The following NRAP variants were observed in gnomAD, a reference collection of about 807,000 sequenced individuals.
NRAP encodes the protein nebulin-related-anchoring protein.
In NRAP, 189 loss-of-function variants were observed where a neutral mutation model predicts 225.9. The observed-to-expected ratio is 0.84, with a 90% CI of 0.74 to 0.94. NRAP has a LOEUF of 0.94. Among genes scored for constraint, NRAP ranks in the 40% least tolerant of loss-of-function variants. The pLI, the probability that NRAP is intolerant of heterozygous loss-of-function variation, is 0.00. For synonymous variants in NRAP, 769 were observed against 790.7 expected, an observed-to-expected ratio of 0.97 and a Z score of 0.46; for missense variants, 2,176 against 2,168.7, an observed-to-expected ratio of 1.00 and a Z score of -0.07.
intron 20 of NRAP, among the ~76,000 whole-genome samples, chr10:113,626,530 C>T (rs564539666): frequency 4.6e-5 from 7 of 152,090 alleles, no homozygotes; most frequent in Non-Finnish European, 1.0e-4. Context: ...TCATTACCTC[C>T]GGCACATCAC....
At chr10:113,638,212 A>G (rs1848992505) in intron 14 of NRAP, among the ~76,000 whole-genome samples, 1 of 152,228 alleles carries the variant, frequency 6.6e-6, no homozygotes, top group African/African-American at 2.4e-5. Context: ...ATTCTGCATT[A>G]AGTATGTTAC....
rs907370605 is a variant in NRAP, at chr10:113,627,891, C to T, written c.2145+1026G>A. Among the ~76,000 whole-genome samples the T allele has an allele frequency of 3.9e-5, 6 of 152,282 alleles. No homozygotes were observed. The South Asian group carries it at 8.3e-4, about 21-fold the overall frequency. On this transcript the variant is annotated intron_variant, in intron 20 of 41. Transcript: ENST00000359988. ...TATACATGACAGTATGTATATAATACGCCCAAAGTGATGATTCAATAATGA... is the reference window on the plus strand; with the variant it reads ...TATACATGACAGTATGTATATAATATGCCCAAAGTGATGATTCAATAATGA...
At chr10:113,620,788 A>T in intron 24 of NRAP, 80 bp from the exon 25 acceptor site, 1 of 974,002 alleles carries the variant, frequency 1.0e-6, no homozygotes, top group Non-Finnish European at 1.6e-6. Flanking sequence ...GCGGCTCCCA[A>T]CACAGCCTTG....
chr10:113,626,779 T>G (rs528621167), intron 20 of NRAP, among the ~76,000 whole-genome samples: 4 of 152,184 alleles, frequency 2.6e-5, no homozygotes, highest in Non-Finnish European at 5.9e-5. Context: ...GAGATTCGCC[T>G]TCACAGTTTC....
At chr10:113,648,853 C>T (rs1334367627) in intron 9 of NRAP, among the ~76,000 whole-genome samples, 3 of 152,220 alleles carry the variant, frequency 2.0e-5, no homozygotes, top group African/African-American at 7.2e-5. Flanking sequence ...AGTTACATTT[C>T]ATCTGTACCT....
At chr10:113,610,318 C>A in intron 31 of NRAP, 141 bp downstream of exon 31, 1 of 524,572 alleles carries the variant, frequency 1.9e-6, no homozygotes, top group Non-Finnish European at 3.4e-6. Context: ...CCACTCTACT[C>A]CAGCCTGGGT....
Position 113,628,955 on chromosome 10 carries a change from A to G in NRAP, c.2107T>C (p.Leu703=). The part of the protein sequence containing the change: ...VGWLTEGSLN[L]EQAKKAGQLV... ...TGTCCAGCCTTCTTGGCTTGTTCCAAGTTGAGACTCCCCTCTGTCAGCCAC... is the reference window on the plus strand; with the variant it reads ...TGTCCAGCCTTCTTGGCTTGTTCCAGGTTGAGACTCCCCTCTGTCAGCCAC... The change falls in exon 20 of 42, where the codon TTG becomes CTG. Residue 703 remains leucine, a synonymous_variant. Coordinates refer to ENST00000359988, the MANE Select transcript of NRAP (RefSeq NM_198060.4). The G allele has an allele frequency of 2.5e-6, 4 of 1,612,902 alleles. No individual in the cohort carries two copies. The highest frequency in any genetic ancestry group is 3.4e-6 in the Non-Finnish European group (4 of 1,179,422).
chr10:113,652,919 GCACCCAGGCACT>G lies in NRAP; in HGVS notation c.570+4_570+15del, dbSNP rs759271164. On this transcript the variant is annotated splice_donor_5th_base_variant and intron_variant, in intron 6 of 41. Coordinates refer to ENST00000359988, the MANE Select transcript of NRAP (RefSeq NM_198060.4). ...AATTAGCATAATCAATGGTGAAAAA[GCACCCAGGCACT>G]CACTTGGCTGGCCAGCTGGTTGGCT... The G allele has an allele frequency of 6.4e-7, 1 of 1,567,596 alleles. No homozygotes were observed. The highest frequency in any genetic ancestry group is 2.2e-5 in the East Asian group (1 of 44,520).
chr10:113,615,680 A>T, intron 27 of NRAP, 32 bp downstream of exon 27: 1 of 1,256,052 alleles, frequency 8.0e-7, no homozygotes, highest in African/African-American at 1.5e-5. Flanking sequence ...CTCTCCCGTC[A>T]TTAAAACTCG....
In NRAP at chr10:113,629,623, G is replaced by A. The variant is rs1010840348; in HGVS notation, c.2005C>T (p.Gln669Ter). 1 of 1,613,912 alleles carries A rather than the reference G, an allele frequency of 6.2e-7. No homozygotes were observed. The highest frequency in any genetic ancestry group is 8.5e-7 in the Non-Finnish European group (1 of 1,179,784). Reference protein sequence around the residue: ...YTVLPEDMKTQWAKKAYGLQS... With the variant: ...YTVLPEDMKT Reference sequence around the variant, plus strand: ...AGCCCATAGGCCTTCTTGGCCCACTGAGTCTTCATATCTTCAGGCAGCACA... The same window carrying A: ...AGCCCATAGGCCTTCTTGGCCCACTAAGTCTTCATATCTTCAGGCAGCACA... Residue 669 changes from glutamine (Q) to a stop codon, truncating the protein, a stop_gained, in exon 19 of 42, where the codon CAG becomes TAG. Coordinates refer to ENST00000359988, the MANE Select transcript of NRAP (RefSeq NM_198060.4). LOFTEE classifies it high-confidence loss of function.
Position 113,589,605 on chromosome 10 carries a change from AT to A in NRAP, c.5088+60del, listed in dbSNP as rs1174831805. ...CAAAAATAAACTTTGAAAAGAAACA[AT>A]GAGTTTGTCTTTCCCCATGGCCTTG... is the stretch of plus-strand genomic sequence containing the variant. On this transcript the variant is annotated intron_variant, in intron 41 of 41. Coordinates refer to ENST00000359988, the MANE Select transcript of NRAP (RefSeq NM_198060.4). 8 of 1,555,574 alleles carry A rather than the reference AT, an allele frequency of 5.1e-6. No individual in the cohort carries two copies. The Admixed American group carries it at 8.0e-5, about 16-fold the overall frequency.
intron 3 of NRAP, among the ~76,000 whole-genome samples, chr10:113,658,881 C>CAAAAA (rs57340533): frequency 6.4e-5 from 5 of 78,122 alleles, no homozygotes; most frequent in African/African-American, 8.0e-5. Context: ...GACCCTGTCT[C>CAAAAA]AAAAAAAAAA....
intron 13 of NRAP, 115 bp from the exon 14 acceptor site, chr10:113,640,446 C>A (rs897053837): frequency 5.3e-6 from 3 of 570,026 alleles, no homozygotes; most frequent in Non-Finnish European, 9.2e-6. Flanking sequence ...TCAGTTTCAT[C>A]ACCTTCAAGG....
At chr10:113,645,650 C>T (rs112120077) in intron 11 of NRAP, among the ~76,000 whole-genome samples, 175 bp downstream of exon 11, 1 of 152,176 alleles carries the variant, frequency 6.6e-6, no homozygotes, top group African/African-American at 2.4e-5. Context: ...CTCCCAACCT[C>T]AGGTGATCTG....
intron 33 of NRAP, 111 bp from the exon 34 acceptor site, chr10:113,605,980 C>A: frequency 1.1e-6 from 1 of 881,050 alleles, no homozygotes; most frequent in Non-Finnish European, 1.9e-6. Context: ...CTGTTTTGTG[C>A]AGCAAATCTC....
chr10:113,638,747 AC>A (rs1388348027), intron 14 of NRAP, among the ~76,000 whole-genome samples: 1 of 152,248 alleles, frequency 6.6e-6, no homozygotes, highest in Non-Finnish European at 1.5e-5. Context: ...AATTAAAACA[AC>A]AACAACAACA....
chr10:113,648,505 T>A (rs975677328), intron 9 of NRAP, among the ~76,000 whole-genome samples: 1 of 148,956 alleles, frequency 6.7e-6, no homozygotes, highest in Non-Finnish European at 1.5e-5. Flanking sequence ...TAAGTGTTAA[T>A]CTTTTTTCAA....
intron 36 of NRAP, 96 bp from the exon 37 acceptor site, chr10:113,597,280 C>T: frequency 1.3e-6 from 1 of 769,608 alleles, no homozygotes; most frequent in East Asian, 2.5e-5. Context: ...ACCTAACATG[C>T]CAATCATATT....
At chr10:113,597,290 T>A in intron 36 of NRAP, 106 bp from the exon 37 acceptor site, 1 of 744,138 alleles carries the variant, frequency 1.3e-6, no homozygotes, top group Admixed American at 2.0e-5. Context: ...CCAATCATAT[T>A]GTTGGAAAAC....
Sources: allele counts gnomAD v4.1 joint callset (sites outside exome capture counted in the v4.1 genomes callset), GRCh38; gene constraint gnomAD v4.1.1; transcripts MANE v1.5; gene names NCBI Gene and HGNC (gene_info 2026-07-23, HGNC 2026-07-21).